PRMT3: variants seen among roughly 807,000 people sequenced by gnomAD.
PRMT3 encodes protein arginine N-methyltransferase 3.
A neutral mutation model predicts 71.9 loss-of-function variants in PRMT3; 62 were observed. That is an observed-to-expected ratio of 0.86 (90% CI 0.70 to 1.07). PRMT3 has a LOEUF of 1.07. PRMT3 is among the 50% of genes least tolerant of loss of function. The pLI is 0.00. For synonymous variants in PRMT3, 213 were observed against 220.4 expected (o/e 0.97, Z 0.30); for missense variants, 663 against 643.0 (o/e 1.03, Z -0.34).
intron 10 of PRMT3, among the ~76,000 whole-genome samples, chr11:20,430,788 T>C (rs1184482407): frequency 6.6e-6 from 1 of 152,176 alleles, no homozygotes; most frequent in African/African-American, 2.4e-5. Context: ...CTAACTGTAG[T>C]CATCATGCTC....
intron 9 of PRMT3, among the ~76,000 whole-genome samples, chr11:20,422,381 A>T (rs1161157693): frequency 6.6e-6 from 1 of 152,128 alleles, no homozygotes; most frequent in African/African-American, 2.4e-5. Flanking sequence ...CATAGTTTTA[A>T]GTTCATTACT....
chr11:20,426,967 G>C, intron 10 of PRMT3, 102 bp downstream of exon 10: 1 of 1,396,428 alleles, frequency 7.2e-7, no homozygotes. Context: ...ATGGCAGAAT[G>C]GTGACATTAT....
intron 13 of PRMT3, among the ~76,000 whole-genome samples, chr11:20,470,412 A>G (rs1850615793): frequency 6.6e-6 from 1 of 152,052 alleles, no homozygotes; most frequent in African/African-American, 2.4e-5. Flanking sequence ...AGGCCCCAGC[A>G]TGTGTTGTTG....
intron 15 of PRMT3, among the ~76,000 whole-genome samples, chr11:20,499,576 A>G (rs890217068): frequency 1.3e-5 from 2 of 152,176 alleles, no homozygotes; most frequent in Non-Finnish European, 2.9e-5. Flanking sequence ...GTGGTGAGCT[A>G]TGATTGCATT....
chr11:20,485,974 T>A (rs1851062190), intron 13 of PRMT3, among the ~76,000 whole-genome samples: 1 of 152,204 alleles, frequency 6.6e-6, no homozygotes, highest in South Asian at 2.1e-4. Flanking sequence ...CTATCACCTA[T>A]AGAATGGATA....
chr11:20,429,462 A>G (rs1849610672), intron 10 of PRMT3, among the ~76,000 whole-genome samples: 1 of 152,226 alleles, frequency 6.6e-6, no homozygotes, highest in African/African-American at 2.4e-5. Context: ...ACTGAAATAA[A>G]GAACACCTTT....
intron 10 of PRMT3, among the ~76,000 whole-genome samples, chr11:20,449,165 C>T (rs750981560): frequency 2.6e-5 from 4 of 152,088 alleles, no homozygotes; most frequent in Admixed American, 6.6e-5. Flanking sequence ...TTTTCATCTG[C>T]TAATATTTTT....
At chr11:20,490,439 G>A (rs958309588) in intron 13 of PRMT3, among the ~76,000 whole-genome samples, 2 of 152,120 alleles carry the variant, frequency 1.3e-5, no homozygotes, top group Non-Finnish European at 2.9e-5. Flanking sequence ...TTAAGGGCTG[G>A]AAATTTTTAA....
intron 2 of PRMT3, among the ~76,000 whole-genome samples, chr11:20,389,142 G>A (rs758353925): frequency 1.3e-5 from 2 of 152,144 alleles, no homozygotes; most frequent in African/African-American, 2.4e-5. Context: ...ATATAGATAA[G>A]GTATACAGCT....
chr11:20,437,375 T>A (rs1457382010), intron 10 of PRMT3, among the ~76,000 whole-genome samples: 1 of 152,216 alleles, frequency 6.6e-6, no homozygotes, highest in African/African-American at 2.4e-5. Flanking sequence ...GATGTAGACA[T>A]CTGGTGGAGC....
At chr11:20,440,489 C>CAAAAAAAAAAAAAAA (rs55801324) in intron 10 of PRMT3, among the ~76,000 whole-genome samples, 8 of 115,916 alleles carry the variant, frequency 6.9e-5, no homozygotes, top group Non-Finnish European at 1.2e-4. Flanking sequence ...ACTAAAAATA[C>CAAAAAAAAAAAAAAA]AAAAAAAAAA....
At chr11:20,441,203 A>G (rs1351506531) in intron 10 of PRMT3, among the ~76,000 whole-genome samples, 1 of 151,724 alleles carries the variant, frequency 6.6e-6, no homozygotes, top group African/African-American at 2.4e-5. Context: ...CTGGTCTTTC[A>G]TTGGAAAATG....
chr11:20,493,260 A>G (rs1408598551), intron 13 of PRMT3, among the ~76,000 whole-genome samples: 1 of 152,216 alleles, frequency 6.6e-6, no homozygotes, highest in Non-Finnish European at 1.5e-5. Context: ...AAAAAAAATA[A>G]GTAACATTTT....
chr11:20,455,271 T>C (rs1850242882), intron 11 of PRMT3, among the ~76,000 whole-genome samples: 2 of 152,194 alleles, frequency 1.3e-5, no homozygotes, highest in Non-Finnish European at 2.9e-5. Context: ...GGAAAGGGAA[T>C]GCAGACAGCA....
chr11:20,443,923 G>C (rs566915042), intron 10 of PRMT3, among the ~76,000 whole-genome samples: 1 of 152,162 alleles, frequency 6.6e-6, no homozygotes, highest in African/African-American at 2.4e-5. Context: ...AAAAAGTTGG[G>C]AACTGTATGT....
chr11:20,429,432 G>A (rs1012217922), intron 10 of PRMT3, among the ~76,000 whole-genome samples: 5 of 152,174 alleles, frequency 3.3e-5, no homozygotes, highest in African/African-American at 9.7e-5. Flanking sequence ...CCCTGGCTTG[G>A]GGGCTGGGGA....
intron 7 of PRMT3, among the ~76,000 whole-genome samples, chr11:20,399,104 G>T (rs995540127): frequency 5.9e-5 from 9 of 152,166 alleles, no homozygotes; most frequent in African/African-American, 2.2e-4. Context: ...ACGTAAAATT[G>T]AAAGTTTTAG....
At chr11:20,507,673 G>A (rs1023156757) in intron 15 of PRMT3, among the ~76,000 whole-genome samples, 2 of 152,092 alleles carry the variant, frequency 1.3e-5, no homozygotes, top group African/African-American at 4.8e-5. Context: ...CAGCTACTTG[G>A]GAGGCTGAGG....
intron 6 of PRMT3, among the ~76,000 whole-genome samples, chr11:20,396,593 G>A (rs866061265): frequency 2.8e-4 from 43 of 152,200 alleles, no homozygotes; most frequent in African/African-American, 8.7e-4. Context: ...AGCTGAGATC[G>A]CACCACTGTA....
Sources: allele counts gnomAD v4.1 joint callset (sites outside exome capture counted in the v4.1 genomes callset), GRCh38; gene constraint gnomAD v4.1.1; transcripts MANE v1.5; gene names NCBI Gene and HGNC (gene_info 2026-07-23, HGNC 2026-07-21).